Variants in SLC18A1 observed in about 807,000 individuals in gnomAD.
SLC18A1 encodes the protein chromaffin granule amine transporter.
SLC18A1 carries 69 observed loss-of-function variants against 53.7 expected under a neutral mutation model. The observed-to-expected ratio is 1.28, with a 90% CI of 1.06 to 1.57. The LOEUF is 1.57. SLC18A1 is among the 40% of genes most tolerant of loss of function. SLC18A1 has a pLI of 0.00. For synonymous variants in SLC18A1, 320 were observed against 248.1 expected (o/e 1.29, Z -2.72); for missense variants, 932 against 668.1 (o/e 1.40, Z -4.35).
At position 20,171,367 on chromosome 8, in the gene SLC18A1, T is replaced by A. The variant is rs17222155; in HGVS notation, c.814+38A>T. 5 of 1,561,136 alleles carry A rather than the reference T, an allele frequency of 3.2e-6. No individual in the cohort carries two copies. The African/African-American group carries it at 4.1e-5, about 13-fold the overall frequency. The stretch of plus-strand genomic sequence containing the variant: ...AACATAATGCATTCCCAACCTGACC[T>A]GGGCTGTCACCTGCTGGAGGCTCTG... On this transcript the variant is annotated intron_variant, in intron 7 of 15. Coordinates refer to ENST00000276373, the MANE Select transcript of SLC18A1 (RefSeq NM_003053.4).
intron 6 of SLC18A1, among the ~76,000 whole-genome samples, chr8:20,172,303 A>G (rs1357381232): frequency 6.6e-6 from 1 of 152,254 alleles, no homozygotes; most frequent in Non-Finnish European, 1.5e-5. Context: ...ATACTAGCAA[A>G]TAACAGGGAT....
At position 20,174,373 on chromosome 8, in the gene SLC18A1, A is replaced by C. The variant is rs1171603026; in HGVS notation, c.619T>G (p.Ser207Ala). ...TTGCCAGTGTTACCTGCAACAGATG[A>C]AAATGAAGATCCAATGCCTTGAAGG... is the stretch of plus-strand genomic sequence containing the variant. ...RTLQGIGSSFSSVAGLGMLAS... is the reference protein window; with the variant it reads ...RTLQGIGSSFASVAGLGMLAS... Residue 207 changes from serine (S) to alanine (A), a missense_variant, in exon 5 of 16, where the codon TCA (serine) becomes GCA (alanine). Ser to Ala is a moderately conservative substitution (Grantham distance 99, BLOSUM62 1). Transcript: ENST00000276373. The C allele has an allele frequency of 1.9e-6, 3 of 1,613,522 alleles. No individual in the cohort carries two copies. The highest frequency in any genetic ancestry group is 2.5e-6 in the Non-Finnish European group (3 of 1,179,576).
At chr8:20,167,473 A>T (rs1176600044) in intron 8 of SLC18A1, among the ~76,000 whole-genome samples, 2 of 152,100 alleles carry the variant, frequency 1.3e-5, no homozygotes, top group African/African-American at 2.4e-5. Context: ...TGGGGCAAGC[A>T]GGGAAAAATC....
At position 20,172,957 on chromosome 8, in the gene SLC18A1, T is replaced by TC. The variant is rs1290019957; in HGVS notation, c.724+78dup. On this transcript the variant is annotated intron_variant, in intron 6 of 15. Coordinates refer to ENST00000276373, the MANE Select transcript of SLC18A1 (RefSeq NM_003053.4). ...GAGGCCAACAAGGGAAGGAAAATAC[T>TC]CGTCTTCTACACCTCGGGAACACCT... The TC allele has an allele frequency of 6.0e-6, 6 of 1,001,916 alleles. No homozygotes were observed. In the African/African-American group the frequency reaches 9.6e-5, roughly 16 times the overall value. 62.1% of individuals were successfully genotyped at this position (1,001,916 alleles called of 1,614,324 possible).
intron 5 of SLC18A1, among the ~76,000 whole-genome samples, chr8:20,173,562 G>A (rs1325266320): frequency 2.0e-5 from 3 of 152,202 alleles, no homozygotes; most frequent in African/African-American, 4.8e-5. Context: ...GTGTGGGCTA[G>A]TGCTGTACGG....
At chr8:20,174,479 G>C (rs757886906) in intron 4 of SLC18A1, 35 bp from the exon 5 acceptor site, 50 of 1,507,340 alleles carry the variant, frequency 3.3e-5, no homozygotes, top group Middle Eastern at 3.4e-4. Flanking sequence ...ACTGCAGTTA[G>C]CAAATTGCCT....
chr8:20,174,403 G>A lies in SLC18A1; in HGVS notation c.589C>T (p.Arg197Ter), dbSNP rs778223068. 36 of 1,613,976 alleles carry A rather than the reference G, an allele frequency of 2.2e-5. No individual in the cohort carries two copies. The East Asian group carries it at 3.6e-4, about 16-fold the overall frequency. ...SGTYTLLFVA[R>*]TLQGIGSSFS... ...GAAGATCCAATGCCTTGAAGGGTTCGGGCCACAAAGAGTAGAGTATAGGTC... is the reference window on the plus strand; with the variant it reads ...GAAGATCCAATGCCTTGAAGGGTTCAGGCCACAAAGAGTAGAGTATAGGTC... Residue 197 changes from arginine (R) to a stop codon, truncating the protein, a stop_gained, in exon 5 of 16, where the codon CGA (arginine) becomes TGA (stop). Transcript: ENST00000276373. LOFTEE classifies it high-confidence loss of function.
Position 20,167,053 on chromosome 8 carries a change from A to G in SLC18A1, c.859-1946T>C, listed in dbSNP as rs1025317329. Among the ~76,000 whole-genome samples the G allele has an allele frequency of 2.6e-5, 4 of 152,118 alleles. No individual in the cohort carries two copies. The South Asian group carries it at 6.2e-4, about 24-fold the overall frequency. Reference sequence around the variant, plus strand: ...AAATATGTGTTGTTTAAGCTACCCAATCTGTAGTATTTTGTTCTGGCATCT... The same window carrying G: ...AAATATGTGTTGTTTAAGCTACCCAGTCTGTAGTATTTTGTTCTGGCATCT... On this transcript the variant is annotated intron_variant, in intron 8 of 15. Coordinates refer to ENST00000276373, the MANE Select transcript of SLC18A1 (RefSeq NM_003053.4).
chr8:20,177,666 C>T (rs540763471), intron 4 of SLC18A1, among the ~76,000 whole-genome samples: 25 of 152,108 alleles, frequency 1.6e-4, no homozygotes, highest in African/African-American at 5.8e-4. Context: ...AAAAGAAAAA[C>T]GCGAGGGAGA....
chr8:20,149,596 CT>C (rs1258528877), intron 12 of SLC18A1, 79 bp downstream of exon 12: 3 of 1,107,860 alleles, frequency 2.7e-6, no homozygotes, highest in South Asian at 1.4e-5. Flanking sequence ...CTCCCTCTCT[CT>C]CTCTCTCTCT....
rs1041746084 is a variant in SLC18A1, at chr8:20,164,852, G to T, written c.1015+17C>A. On this transcript the variant is annotated intron_variant, in intron 10 of 15. Transcript: ENST00000276373. ...TCCTCCTGCCAGGCCCTGAGCGGGG[G>T]TGCTGAGGTCACTTACCCAGCTGCC... 1 of 1,591,518 alleles carries T rather than the reference G, an allele frequency of 6.3e-7. No homozygotes were observed. The highest frequency in any genetic ancestry group is 1.7e-5 in the Admixed American group (1 of 59,270).
At chr8:20,165,458 T>C (rs1289269505) in intron 8 of SLC18A1, among the ~76,000 whole-genome samples, 1 of 152,110 alleles carries the variant, frequency 6.6e-6, no homozygotes, top group Non-Finnish European at 1.5e-5. Flanking sequence ...TGGTTTCCAC[T>C]AGATCTCCCT....
chr8:20,163,595 G>A (rs1004399229), intron 10 of SLC18A1, among the ~76,000 whole-genome samples: 3 of 152,084 alleles, frequency 2.0e-5, no homozygotes, highest in African/African-American at 7.2e-5. Flanking sequence ...TGCTCTTCAT[G>A]TACAGCAGCG....
At chr8:20,161,995 G>A (rs999949475) in intron 10 of SLC18A1, among the ~76,000 whole-genome samples, 1 of 152,188 alleles carries the variant, frequency 6.6e-6, no homozygotes, top group African/African-American at 2.4e-5. Flanking sequence ...TGCACCCATA[G>A]CTCTTGCATT....
In SLC18A1 at chr8:20,147,361, G is replaced by A; in HGVS notation, c.1361C>T (p.Ala454Val). ...GACCATGAGCCAGGGAAAACCGATG[G>A]CCTTTACAATGGCACCACCGGTGGA... Reference protein sequence around the residue: ...GPSTGGAIVKAIGFPWLMVIT... With the variant: ...GPSTGGAIVKVIGFPWLMVIT... Residue 454 changes from alanine to valine, a missense_variant, in exon 15 of 16, where the codon GCC (alanine) becomes GTC (valine). By Grantham distance (64) the Ala-to-Val change is moderately conservative. Coordinates refer to ENST00000276373, the MANE Select transcript of SLC18A1 (RefSeq NM_003053.4). 6.2e-7 allele frequency: 1 copy of A among 1,612,644 alleles called. No homozygotes were observed. Among genetic ancestry groups the A allele is most frequent in the Admixed American group, 1.7e-5 (1 of 59,828 alleles).
chr8:20,172,030 C>T (rs756253375), intron 6 of SLC18A1, among the ~76,000 whole-genome samples: 1 of 152,240 alleles, frequency 6.6e-6, no homozygotes, highest in Admixed American at 6.5e-5. Flanking sequence ...GAGTCATGTA[C>T]TTGGCCTTGC....
intron 13 of SLC18A1, 134 bp from the exon 14 acceptor site, chr8:20,147,856 T>C: frequency 2.1e-6 from 3 of 1,458,742 alleles, no homozygotes; most frequent in Non-Finnish European, 2.8e-6. Flanking sequence ...AGGTGGGAAT[T>C]ACGAGCTCAT....
chr8:20,173,768 C>T (rs1000208853), intron 5 of SLC18A1, among the ~76,000 whole-genome samples: 1 of 152,196 alleles, frequency 6.6e-6, no homozygotes, highest in Non-Finnish European at 1.5e-5. Flanking sequence ...AAATGAAAGC[C>T]TGCCCTTCTT....
At chr8:20,166,581 G>T (rs1191409931) in intron 8 of SLC18A1, among the ~76,000 whole-genome samples, 1 of 151,546 alleles carries the variant, frequency 6.6e-6, no homozygotes, top group African/African-American at 2.4e-5. Flanking sequence ...GTGGGAGAGG[G>T]GGAGGGTTAG....
Sources: gnomAD v4.1 joint callset for allele counts (sites outside exome capture counted in the v4.1 genomes callset) on GRCh38, gnomAD v4.1.1 for gene constraint, MANE v1.5 for transcripts, NCBI Gene and HGNC (gene_info 2026-07-23, HGNC 2026-07-21) for gene names.